Variants in KIAA1217 observed in about 807,000 individuals in gnomAD.
KIAA1217 encodes sickle tail protein homolog.
KIAA1217 carries 88 observed loss-of-function variants against 163.9 expected under a neutral mutation model. That is an observed-to-expected ratio of 0.54 (90% CI 0.45 to 0.64). KIAA1217 has a LOEUF of 0.64. KIAA1217 is among the 30% of genes least tolerant of loss of function. The pLI is 0.00. For missense variants in KIAA1217, 2,372 were observed against 2,475.0 expected (o/e 0.96, Z 0.88); for synonymous variants, 903 against 923.1 (o/e 0.98, Z 0.39).
chr10:24,230,574 C>T (rs1212075072), intron 2 of KIAA1217, among the ~76,000 whole-genome samples: 8 of 130,294 alleles, frequency 6.1e-5, no homozygotes, highest in East Asian at 2.5e-4. Flanking sequence ...TTGGCAGGTG[C>T]GATCTTGGCT....
intron 3 of KIAA1217, among the ~76,000 whole-genome samples, chr10:24,395,060 G>A (rs969119262): frequency 2.6e-5 from 4 of 152,170 alleles, no homozygotes; most frequent in Admixed American, 2.6e-4. Flanking sequence ...GATTGAGGGT[G>A]AGACATGCCC....
intron 2 of KIAA1217, among the ~76,000 whole-genome samples, chr10:24,160,316 T>C (rs1381387016): frequency 6.6e-6 from 1 of 152,084 alleles, no homozygotes; most frequent in Non-Finnish European, 1.5e-5. Context: ...TAGGCAAAAA[T>C]GATATTTTAG....
chr10:23,766,631 C>G (rs1273632884), intron 1 of KIAA1217, among the ~76,000 whole-genome samples: 1 of 141,516 alleles, frequency 7.1e-6, no homozygotes, highest in Admixed American at 7.4e-5. Context: ...CTCTGTGACT[C>G]AGGCTGGAGT....
intron 2 of KIAA1217, among the ~76,000 whole-genome samples, chr10:24,192,095 A>C (rs2066747861): frequency 6.6e-6 from 1 of 152,246 alleles, no homozygotes; most frequent in Non-Finnish European, 1.5e-5. Context: ...TTGGGTGTTA[A>C]CACAAGAGCC....
At chr10:24,025,043 T>C (rs943819196) in intron 2 of KIAA1217, among the ~76,000 whole-genome samples, 2 of 151,798 alleles carry the variant, frequency 1.3e-5, no homozygotes, top group Non-Finnish European at 3.0e-5. Context: ...AACAATACTT[T>C]CTTATTTTAT....
chr10:23,833,726 A>G (rs1337698589), intron 1 of KIAA1217, among the ~76,000 whole-genome samples: 1 of 151,820 alleles, frequency 6.6e-6, no homozygotes, highest in Non-Finnish European at 1.5e-5. Flanking sequence ...ATATCTTTCT[A>G]TAATTCTTGG....
At chr10:24,172,258 A>G (rs545574605) in intron 2 of KIAA1217, among the ~76,000 whole-genome samples, 1 of 152,314 alleles carries the variant, frequency 6.6e-6, no homozygotes, top group South Asian at 2.1e-4. Flanking sequence ...TTTACAGGAA[A>G]CGCTGTCAAA....
intron 1 of KIAA1217, among the ~76,000 whole-genome samples, chr10:23,831,809 G>T (rs1452218945): frequency 6.6e-6 from 1 of 152,058 alleles, no homozygotes; most frequent in Non-Finnish European, 1.5e-5. Context: ...TTGCTTCCCT[G>T]ATATGAAAGA....
intron 1 of KIAA1217, among the ~76,000 whole-genome samples, chr10:23,750,183 G>A (rs771119772): frequency 6.6e-6 from 1 of 152,048 alleles, no homozygotes; most frequent in Non-Finnish European, 1.5e-5. Context: ...TATCCAAACT[G>A]TCAGCTTTCT....
chr10:24,068,342 A>AT (rs1261305039), intron 2 of KIAA1217, among the ~76,000 whole-genome samples: 2 of 152,000 alleles, frequency 1.3e-5, no homozygotes, highest in African/African-American at 4.8e-5. Context: ...TTTTTCCTTA[A>AT]TTTTTTATAT....
intron 1 of KIAA1217, among the ~76,000 whole-genome samples, chr10:23,852,862 T>C (rs1362193465): frequency 6.6e-6 from 1 of 152,210 alleles, no homozygotes; most frequent in Non-Finnish European, 1.5e-5. Context: ...TGTACATTGA[T>C]TTTGTATCCT....
intron 2 of KIAA1217, among the ~76,000 whole-genome samples, chr10:24,029,705 A>G (rs1277713451): frequency 6.6e-6 from 1 of 152,188 alleles, no homozygotes; most frequent in Non-Finnish European, 1.5e-5. Context: ...GAGCCAGAAG[A>G]CAAGTTCTGA....
intron 5 of KIAA1217, among the ~76,000 whole-genome samples, chr10:24,454,052 A>G (rs2061583666): frequency 1.3e-5 from 2 of 152,170 alleles, no homozygotes; most frequent in South Asian, 4.1e-4. Flanking sequence ...GTAAAACTTG[A>G]TTTAAAAGCA....
At chr10:23,738,135 T>C (rs147151747) in intron 1 of KIAA1217, among the ~76,000 whole-genome samples, 1 of 152,176 alleles carries the variant, frequency 6.6e-6, no homozygotes, top group Non-Finnish European at 1.5e-5. Context: ...AAAAGTATAG[T>C]TGATTTTTCC....
intron 2 of KIAA1217, among the ~76,000 whole-genome samples, chr10:24,184,873 T>A (rs2066347305): frequency 6.6e-6 from 1 of 152,248 alleles, no homozygotes; most frequent in Non-Finnish European, 1.5e-5. Context: ...TGGAGAATTC[T>A]GCTCTTGGTT....
chr10:23,770,073 A>G (rs983701980), intron 1 of KIAA1217, among the ~76,000 whole-genome samples: 1 of 152,230 alleles, frequency 6.6e-6, no homozygotes, highest in Admixed American at 6.5e-5. Flanking sequence ...TCCATGTACA[A>G]TGGGACAAGT....
chr10:23,814,463 A>G (rs2886710), intron 1 of KIAA1217, among the ~76,000 whole-genome samples: 31,785 of 152,134 alleles, frequency 0.21, 3,476 homozygotes, highest in Middle Eastern at 0.29. Context: ...TTCTCAATAT[A>G]TGTTAGCTAT....
Position 24,520,125 on chromosome 10 carries a change from A to C in KIAA1217, c.2180A>C (p.Glu727Ala). The C allele has an allele frequency of 6.2e-7, 1 of 1,613,712 alleles. No individual in the cohort carries two copies. Among genetic ancestry groups the C allele is most frequent in the Middle Eastern group, 1.7e-4 (1 of 6,054 alleles). ...EEEKIVKKLC[E>A]LEDFVEDLKK... ...TGCTGGTGTCCTTGCTCCCGCAGCG[A>C]GTTGGAAGACTTTGTTGAAGACTTG... is the stretch of plus-strand genomic sequence containing the variant. The change falls in exon 11 of 21, where the codon GAG becomes GCG. Residue 727 changes from glutamate to alanine, a missense_variant and splice_region_variant. This residue lies in a region of KIAA1217 where 1,431 missense variants were observed against 1,470.3 expected (regional missense o/e 0.97). Transcript: ENST00000376454.
chr10:23,883,053 A>G (rs1255840491), intron 1 of KIAA1217, among the ~76,000 whole-genome samples: 2 of 151,916 alleles, frequency 1.3e-5, no homozygotes, highest in African/African-American at 4.8e-5. Flanking sequence ...TTTTAGCTTC[A>G]TGCACCATTT....
Sources: allele counts gnomAD v4.1 joint callset (sites outside exome capture counted in the v4.1 genomes callset), GRCh38; gene constraint gnomAD v4.1.1; regional missense constraint gnomAD v4.1.1; transcripts MANE v1.5; gene names NCBI Gene and HGNC (gene_info 2026-07-23, HGNC 2026-07-21).